CEP192: variants seen among roughly 807,000 people sequenced by gnomAD.
The protein encoded by CEP192 is centrosomal protein of 192 kDa.
Under a neutral mutation model 271.8 loss-of-function variants are expected in CEP192, and 151 were observed. That is an observed-to-expected ratio of 0.56 (90% confidence interval 0.49 to 0.64). The LOEUF (loss-of-function observed/expected upper bound fraction) is 0.64. Ranked by LOEUF, CEP192 falls within the 30% of genes least tolerant of loss-of-function variation. The pLI, the probability that CEP192 is intolerant of heterozygous loss-of-function variation, is 0.00. For synonymous variants in CEP192, 995 were observed against 1,076.5 expected, an observed-to-expected ratio of 0.92 and a Z score of 1.48; for missense variants, 2,910 against 3,020.5, an observed-to-expected ratio of 0.96 and a Z score of 0.86.
chr18:13,015,226 A>G, intron 5 of CEP192, 102 bp from the exon 6 acceptor site: 5 of 1,039,074 alleles, frequency 4.8e-6, no homozygotes, highest in Non-Finnish European at 6.8e-6. Flanking sequence ...GATACTGAAC[A>G]CAGTGGAGGT....
At chr18:13,016,298 A>G (rs1287294946) in intron 6 of CEP192, among the ~76,000 whole-genome samples, 2 of 152,144 alleles carry the variant, frequency 1.3e-5, no homozygotes, top group Admixed American at 1.3e-4. Flanking sequence ...AGCATCAGCA[A>G]AGGCCCTGCT....
At position 13,068,958 on chromosome 18, in the gene CEP192, A is replaced by T; in HGVS notation, c.4929A>T (p.Gly1643=). 1 of 1,614,140 alleles carries T rather than the reference A, an allele frequency of 6.2e-7. No homozygotes were observed. The highest frequency in any genetic ancestry group is 2.2e-5 in the East Asian group (1 of 44,886). ...GTGTGAGTCTCCGAGCAAGAGCAGG[A>T]ATAGCTAGGATCCATGCTCCCAGGG... ...LRSVSLRARA[G]IARIHAPRDL... Residue 1643 remains glycine (G), a synonymous_variant, in exon 25 of 45, where the codon GGA becomes GGT. Coordinates refer to ENST00000506447, the MANE Select transcript of CEP192 (RefSeq NM_032142.4).
chr18:13,099,335 G>A (rs1325539025), intron 36 of CEP192, 141 bp from the exon 37 acceptor site: 10 of 548,048 alleles, frequency 1.8e-5, no homozygotes, highest in South Asian at 5.2e-5. Flanking sequence ...TGTGGGAGCC[G>A]CATGGGAGTG....
At position 13,124,694 on chromosome 18, in the gene CEP192, C is replaced by T. The variant is rs200706653; in HGVS notation, c.7538C>T (p.Ala2513Val). 283 of 1,613,882 alleles carry T rather than the reference C, an allele frequency of 1.8e-4. No individual in the cohort carries two copies. Among genetic ancestry groups the T allele is most frequent in the Non-Finnish European group, 2.2e-4 (264 of 1,179,954 alleles). The change falls in exon 45 of 45, where the codon GCT becomes GTT. Residue 2513 changes from alanine to valine, a missense_variant. Physicochemically the swap from Ala to Val is moderately conservative, Grantham distance 64. Transcript: ENST00000506447. The stretch of plus-strand genomic sequence containing the variant: ...CCGAAGTCCGCAGGCAAATTTGAAG[C>T]TTTGCTTGTCATTCAAACAGATGAA... Reference protein sequence around the residue: ...FKPKSAGKFEALLVIQTDEGK... With the variant: ...FKPKSAGKFEVLLVIQTDEGK...
chr18:13,015,222 G>T, intron 5 of CEP192, 106 bp from the exon 6 acceptor site: 1 of 1,013,918 alleles, frequency 9.9e-7, no homozygotes, highest in South Asian at 1.8e-5. Flanking sequence ...TACAGATACT[G>T]AACACAGTGG....
At chr18:12,993,626 G>A (rs1046608947) in intron 1 of CEP192, among the ~76,000 whole-genome samples, 4 of 152,168 alleles carry the variant, frequency 2.6e-5, no homozygotes, top group African/African-American at 9.7e-5. Context: ...GGGACTCCAA[G>A]GCATGCACCA....
chr18:13,097,238 G>C (rs2039443811), intron 36 of CEP192, among the ~76,000 whole-genome samples: 2 of 152,154 alleles, frequency 1.3e-5, no homozygotes, highest in African/African-American at 4.8e-5. Context: ...GGGTTTAGCA[G>C]GGGAAGACAA....
At chr18:13,038,819 G>GT (rs936090002) in intron 13 of CEP192, among the ~76,000 whole-genome samples, 1 of 152,164 alleles carries the variant, frequency 6.6e-6, no homozygotes, top group Non-Finnish European at 1.5e-5. Context: ...TAACAGCACA[G>GT]TTTTATAGGG....
In CEP192 at chr18:13,069,671, G is replaced by A. The variant is rs536387346; in HGVS notation, c.5056-67G>A. The A allele has an allele frequency of 6.1e-5, 52 of 846,772 alleles. No individual in the cohort carries two copies. The African/African-American group carries it at 8.1e-4, about 13-fold the overall frequency. The allele number at this position is 846,772 out of a possible 1,614,324, so 52.5% of individuals were successfully genotyped here. ...TAAATGAGAAACGCACGTAAGGCAGGAGCCACTGAGCGAAAACTGCGTTTT... is the reference window on the plus strand; with the variant it reads ...TAAATGAGAAACGCACGTAAGGCAGAAGCCACTGAGCGAAAACTGCGTTTT... On this transcript the variant is annotated intron_variant, in intron 26 of 44. Coordinates refer to ENST00000506447, the MANE Select transcript of CEP192 (RefSeq NM_032142.4).
chr18:13,080,567 A>G (rs921388026), intron 30 of CEP192, among the ~76,000 whole-genome samples: 2 of 151,028 alleles, frequency 1.3e-5, no homozygotes, highest in African/African-American at 2.4e-5. Context: ...TAGATATACA[A>G]TCATGTCATC....
chr18:13,092,263 T>C, intron 33 of CEP192, 114 bp from the exon 34 acceptor site: 2 of 690,454 alleles, frequency 2.9e-6, no homozygotes, highest in Admixed American at 3.8e-5. Flanking sequence ...AAATGTCACC[T>C]CCCCCAACCC....
At chr18:13,112,335 C>G (rs1378454456) in intron 40 of CEP192, among the ~76,000 whole-genome samples, 1 of 152,088 alleles carries the variant, frequency 6.6e-6, no homozygotes, top group African/African-American at 2.4e-5. Flanking sequence ...ATGGGTGAAC[C>G]TTGAAAACAT....
Position 13,055,970 on chromosome 18 carries a change from C to G in CEP192, c.3380C>G (p.Pro1127Arg). 1.2e-6 allele frequency: 2 copies of G among 1,614,176 alleles called. No homozygotes were observed. Among genetic ancestry groups the G allele is most frequent in the Non-Finnish European group, 1.7e-6 (2 of 1,180,020 alleles). The change falls in exon 19 of 45, where the codon CCT (proline) becomes CGT (arginine). Residue 1127 changes from proline to arginine, a missense_variant. Coordinates refer to ENST00000506447, the MANE Select transcript of CEP192 (RefSeq NM_032142.4). ...ATETTSLSSKPEYVKPDFRWS... is the reference protein window; with the variant it reads ...ATETTSLSSKREYVKPDFRWS... ...GAAACTACTTCTCTGAGTAGCAAGC[C>G]TGAATATGTAAAACCTGACTTTAGA...
chr18:13,115,307 T>C (rs1444414797), intron 42 of CEP192, among the ~76,000 whole-genome samples: 1 of 152,170 alleles, frequency 6.6e-6, no homozygotes, highest in Non-Finnish European at 1.5e-5. Flanking sequence ...AGAGGCAGCT[T>C]GGTCTGTGAA....
intron 4 of CEP192, among the ~76,000 whole-genome samples, chr18:13,012,181 A>G (rs1030184278): frequency 2.0e-5 from 3 of 152,224 alleles, no homozygotes; most frequent in Admixed American, 6.5e-5. Flanking sequence ...GCTAATGGGT[A>G]TAGTGTTTCA....
chr18:13,116,800 G>T (rs1172329026), intron 43 of CEP192, among the ~76,000 whole-genome samples: 1 of 152,010 alleles, frequency 6.6e-6, no homozygotes, highest in African/African-American at 2.4e-5. Flanking sequence ...TAGTAGAGAC[G>T]GGGTTTCACC....
intron 20 of CEP192, 120 bp from the exon 21 acceptor site, chr18:13,058,962 A>G (rs2037263320): frequency 2.9e-6 from 2 of 680,154 alleles, no homozygotes; most frequent in Non-Finnish European, 2.6e-6. Context: ...TTTTGAAGAG[A>G]TAATAAATGT....
chr18:12,994,250 T>A (rs766184160), intron 1 of CEP192, among the ~76,000 whole-genome samples: 1 of 152,198 alleles, frequency 6.6e-6, no homozygotes, highest in Non-Finnish European at 1.5e-5. Context: ...ACTGTGGCGC[T>A]GTTTGACTTA....
rs556191306 is a variant in CEP192 at position 13,116,707 on chromosome 18, TC to T, written c.7416+205del. Among the ~76,000 whole-genome samples, 778 of 152,256 alleles carry T rather than the reference TC, an allele frequency of 5.1e-3. 1 individual carries two copies. Among genetic ancestry groups the T allele is most frequent in the Non-Finnish European group, 8.4e-3 (573 of 68,018 alleles). On this transcript the variant is annotated intron_variant, in intron 43 of 44. Transcript: ENST00000506447. ...TCACTGCAAGCTCCACCTCCCGGGT[TC>T]ATGCCATTCTCCTGCCTCAGCCTCC...
Sources: allele counts gnomAD v4.1 joint callset (sites outside exome capture counted in the v4.1 genomes callset), GRCh38; gene constraint gnomAD v4.1.1; transcripts MANE v1.5; gene names NCBI Gene and HGNC (gene_info 2026-07-23, HGNC 2026-07-21).